Variants in NUP54 observed in about 807,000 individuals in gnomAD.
The protein encoded by NUP54 is nucleoporin 54.
NUP54 carries 27 observed loss-of-function variants against 66.4 expected under a neutral mutation model. That is an observed-to-expected ratio of 0.41 (90% CI 0.30 to 0.56). NUP54 has a LOEUF of 0.56. NUP54 is among the 20% of genes least tolerant of loss of function. The probability of loss-of-function intolerance (pLI) is 0.34; values close to 1 mark genes in which losing one functional copy is unlikely to be tolerated. For synonymous variants in NUP54, 206 were observed against 210.7 expected (o/e 0.98, Z 0.19); for missense variants, 486 against 596.3 (o/e 0.82, Z 1.93).
At position 76,135,734 on chromosome 4, in the gene NUP54, A is replaced by G. The variant is rs80160504; in HGVS notation, c.522+452T>C. 6.5e-3 allele frequency among the ~76,000 whole-genome samples: 997 copies of G among 152,350 alleles called. 8 individuals are homozygous for G. The highest frequency in any genetic ancestry group is 0.021 in the African/African-American group (864 of 41,576). The stretch of plus-strand genomic sequence containing the variant: ...GATAAAGAGATTTTCTGAAGAGACA[A>G]ATGAGAAGGTTGTTTGGTAGGCAGG... On this transcript the variant is annotated intron_variant, in intron 4 of 11. Transcript: ENST00000264883.
In NUP54 at chr4:76,115,370, C is replaced by T; in HGVS notation, c.1520G>A (p.Ser507Asn). Residue 507 changes from serine (S) to asparagine (N), a missense_variant, in exon 12 of 12, where the codon AGT becomes AAT. Ser to Asn is a conservative substitution (Grantham distance 46). Coordinates refer to ENST00000264883, the MANE Select transcript of NUP54 (RefSeq NM_017426.4). ...ETIHIRGGVF[S>N] ...TTTACACAAGTTTGTGAACTGTCAA[C>T]TAAAGACACCACCTCTGATGTGGAT... 3.1e-6 allele frequency: 5 copies of T among 1,590,452 alleles called. No individual in the cohort carries two copies. Among genetic ancestry groups the T allele is most frequent in the Non-Finnish European group, 4.3e-6 (5 of 1,171,512 alleles).
At chr4:76,143,979 G>A (rs977649054) in intron 3 of NUP54, among the ~76,000 whole-genome samples, 170 bp downstream of exon 3, 1 of 152,182 alleles carries the variant, frequency 6.6e-6, no homozygotes, top group South Asian at 2.1e-4. Flanking sequence ...GTGCCAATCA[G>A]TGTTCTCCCC....
Position 76,136,193 on chromosome 4 carries a change from C to T in NUP54, c.515G>A (p.Arg172Gln), listed in dbSNP as rs1341707574. The change falls in exon 4 of 12, where the codon CGA becomes CAA. Residue 172 changes from arginine to glutamine, a missense_variant. This residue lies in a region of NUP54 where 41 missense variants were observed against 82.7 expected (regional missense o/e 0.50). Transcript: ENST00000264883. ...VEFTQENPFCRFKAVGYSCMP... is the reference protein window; with the variant it reads ...VEFTQENPFCQFKAVGYSCMP... Reference sequence around the variant, plus strand: ...AAATAGTATTAATAATACCTTAAATCGGCAAAAGGGATTTTCTTGTGTGAA... The same window carrying T: ...AAATAGTATTAATAATACCTTAAATTGGCAAAAGGGATTTTCTTGTGTGAA... The T allele has an allele frequency of 5.0e-6, 8 of 1,610,188 alleles. No homozygotes were observed. Among genetic ancestry groups the T allele is most frequent in the African/African-American group, 1.3e-5 (1 of 74,908 alleles).
intron 5 of NUP54, among the ~76,000 whole-genome samples, 162 bp downstream of exon 5, chr4:76,134,013 T>G (rs540310986): frequency 8.5e-5 from 13 of 152,308 alleles, no homozygotes; most frequent in African/African-American, 3.1e-4. Context: ...TTAAAAAAAC[T>G]TTTAAATAAA....
At position 76,114,727 on chromosome 4, in the gene NUP54, T is replaced by TA. The variant is rs1201425934; in HGVS notation, c.*638dup. The TA allele has an allele frequency of 6.6e-6, 1 of 151,128 alleles. No individual in the cohort carries two copies. The highest frequency in any genetic ancestry group is 1.5e-5 in the Non-Finnish European group (1 of 67,702). The allele number at this position is 151,128 out of a possible 1,614,324, so 9.4% of individuals were successfully genotyped here. A position where few individuals can be genotyped will look rare whatever the true frequency, so the allele number is the denominator to read the frequency against. ...TCATCTTTTTAGAAATAAAAAGGCT[T>TA]AAAAAACAAAATGGTTGCAAAAATG... On this transcript the variant is annotated 3_prime_UTR_variant, in exon 12 of 12. Coordinates refer to ENST00000264883, the MANE Select transcript of NUP54 (RefSeq NM_017426.4).
At chr4:76,129,968 T>G (rs541223298) in intron 8 of NUP54, among the ~76,000 whole-genome samples, 411 of 14,050 alleles carry the variant, frequency 0.029, 2 homozygotes, top group South Asian at 0.082. Flanking sequence ...TTATGAAAGT[T>G]TTTTTTTTTT....
chr4:76,127,423 C>A (rs1224206966), intron 8 of NUP54, among the ~76,000 whole-genome samples: 3 of 126,276 alleles, frequency 2.4e-5, no homozygotes, highest in Non-Finnish European at 3.1e-5. Flanking sequence ...CAGAACGAGA[C>A]CCCCATCTCA....
chr4:76,122,240 G>C (rs1730267776), intron 9 of NUP54, among the ~76,000 whole-genome samples: 1 of 152,086 alleles, frequency 6.6e-6, no homozygotes, highest in Non-Finnish European at 1.5e-5. Flanking sequence ...GATTCTCTTT[G>C]CTTATACTTC....
chr4:76,125,614 A>AAGAGGG (rs1174980798), intron 8 of NUP54, among the ~76,000 whole-genome samples: 6 of 102,590 alleles, frequency 5.8e-5, no homozygotes, highest in African/African-American at 1.6e-4. Flanking sequence ...CAGCATGGGC[A>AAGAGGG]AGAGGGAGAG....
At chr4:76,141,660 C>T (rs779605373) in intron 3 of NUP54, among the ~76,000 whole-genome samples, 1 of 152,210 alleles carries the variant, frequency 6.6e-6, no homozygotes, top group Non-Finnish European at 1.5e-5. Flanking sequence ...ATTTTGGCAA[C>T]AGCTTCACCA....
At position 76,121,290 on chromosome 4, in the gene NUP54, C is replaced by T. The variant is rs9307079; in HGVS notation, c.1165-3096G>A. Among the ~76,000 whole-genome samples, 269 of 152,286 alleles carry T rather than the reference C, an allele frequency of 1.8e-3. 1 individual carries two copies. Among genetic ancestry groups the T allele is most frequent in the African/African-American group, 6.2e-3 (256 of 41,552 alleles). ...TGTAAATTCCCTACTCTGTTCCATGCATTGTTCTGTCCAATCCCATGCAGA... is the reference window on the plus strand; with the variant it reads ...TGTAAATTCCCTACTCTGTTCCATGTATTGTTCTGTCCAATCCCATGCAGA... On this transcript the variant is annotated intron_variant, in intron 9 of 11. Coordinates refer to ENST00000264883, the MANE Select transcript of NUP54 (RefSeq NM_017426.4).
rs778141741 is a variant in NUP54, at chr4:76,144,271, T to G, written c.173A>C (p.Asn58Thr). Reference protein sequence around the residue: ...GTTGLFGGTQNKGFGFGTGFG... With the variant: ...GTTGLFGGTQTKGFGFGTGFG... ...ACCAGTACCAAATCCAAAACCTTTG[T>G]TCTGAGTACCACCAAAGAGTCCTTT... The change falls in exon 3 of 12, where the codon AAC becomes ACC. Residue 58 changes from asparagine to threonine, a missense_variant. Physicochemically the swap from Asn to Thr is moderately conservative, Grantham distance 65. This residue lies in a region of NUP54 where 145 missense variants were observed against 137.1 expected (regional missense o/e 1.06). Transcript: ENST00000264883. The G allele has an allele frequency of 1.2e-6, 2 of 1,614,004 alleles. No individual in the cohort carries two copies. Among genetic ancestry groups the G allele is most frequent in the East Asian group, 4.5e-5 (2 of 44,868 alleles).
intron 1 of NUP54, chr4:76,145,835 C>T (rs989695449): frequency 7.8e-6 from 2 of 255,604 alleles, no homozygotes; most frequent in African/African-American, 4.7e-5. Context: ...AAACATGCAA[C>T]CATTTTATAT....
At chr4:76,115,608 A>AACT in intron 11 of NUP54, 114 bp from the exon 12 acceptor site, 1 of 679,062 alleles carries the variant, frequency 1.5e-6, no homozygotes, top group South Asian at 2.9e-5. Flanking sequence ...GTACCTAGTA[A>AACT]GTGCTCTAAA....
intron 3 of NUP54, 49 bp from the exon 4 acceptor site, chr4:76,136,461 T>C: frequency 6.7e-7 from 1 of 1,486,920 alleles, no homozygotes; most frequent in Non-Finnish European, 9.3e-7. Flanking sequence ...AAAACAAAAC[T>C]TAATCCAGAT....
At chr4:76,118,992 C>T (rs979435232) in intron 9 of NUP54, among the ~76,000 whole-genome samples, 11 of 151,896 alleles carry the variant, frequency 7.2e-5, no homozygotes, top group South Asian at 4.2e-4. Context: ...GGCAACAGAG[C>T]GAGACTCTGT....
At chr4:76,129,965 A>AGTTTTTTT (rs1560682998) in intron 8 of NUP54, among the ~76,000 whole-genome samples, 2 of 112,708 alleles carry the variant, frequency 1.8e-5, no homozygotes, top group African/African-American at 6.2e-5. Flanking sequence ...TAATTATGAA[A>AGTTTTTTT]GTTTTTTTTT....
intron 9 of NUP54, among the ~76,000 whole-genome samples, chr4:76,123,644 C>A (rs920224125): frequency 3.3e-5 from 5 of 152,110 alleles, no homozygotes; most frequent in Non-Finnish European, 1.5e-5. Flanking sequence ...TCCCAAGTAA[C>A]TGGAACTACA....
At chr4:76,121,921 C>G (rs1730253355) in intron 9 of NUP54, among the ~76,000 whole-genome samples, 1 of 152,116 alleles carries the variant, frequency 6.6e-6, no homozygotes, top group East Asian at 1.9e-4. Flanking sequence ...AAATAGATCA[C>G]TTAATCATCT....
Sources: gnomAD v4.1 joint callset for allele counts (sites outside exome capture counted in the v4.1 genomes callset) on GRCh38, gnomAD v4.1.1 for gene constraint, gnomAD v4.1.1 regional missense constraint, MANE v1.5 for transcripts, NCBI Gene and HGNC (gene_info 2026-07-23, HGNC 2026-07-21) for gene names.